The following WWP1 variants were observed in gnomAD, a reference collection of about 807,000 sequenced individuals.
WWP1 encodes the protein NEDD4-like E3 ubiquitin-protein ligase WWP1.
WWP1 carries 49 observed loss-of-function variants against 130.6 expected under a neutral mutation model. That is an observed-to-expected ratio of 0.38 (90% CI 0.30 to 0.48). The LOEUF (loss-of-function observed/expected upper bound fraction) is 0.48. Among genes scored for constraint, WWP1 ranks in the 20% least tolerant of loss-of-function variants. The pLI, the probability that WWP1 is intolerant of heterozygous loss-of-function variation, is 0.99. For missense variants in WWP1, 809 were observed against 1,100.6 expected, an observed-to-expected ratio of 0.74 and a Z score of 3.75; for synonymous variants, 332 against 367.8, an observed-to-expected ratio of 0.90 and a Z score of 1.11.
At chr8:86,395,866 T>C (rs1807632637) in intron 5 of WWP1, among the ~76,000 whole-genome samples, 1 of 152,070 alleles carries the variant, frequency 6.6e-6, no homozygotes, top group African/African-American at 2.4e-5. Context: ...AATGCAGACA[T>C]TTACAGATAA....
chr8:86,362,485 CA>C (rs1823726491), intron 1 of WWP1, among the ~76,000 whole-genome samples: 1 of 151,842 alleles, frequency 6.6e-6, no homozygotes, highest in Non-Finnish European at 1.5e-5. Context: ...GTGGTGAGGG[CA>C]GCAACCAAAT....
intron 22 of WWP1, among the ~76,000 whole-genome samples, chr8:86,458,580 G>A (rs1451218277): frequency 6.6e-6 from 1 of 152,072 alleles, no homozygotes; most frequent in Non-Finnish European, 1.5e-5. Context: ...TGTTTTGTGT[G>A]TTTATTAGAG....
chr8:86,364,785 G>T (rs889428721), intron 1 of WWP1, among the ~76,000 whole-genome samples: 1 of 148,794 alleles, frequency 6.7e-6, no homozygotes, highest in African/African-American at 2.5e-5. Flanking sequence ...TATCCTGGGC[G>T]ACAAAAGTGA....
chr8:86,463,690 T>A (rs1226674793), intron 24 of WWP1, among the ~76,000 whole-genome samples: 1 of 152,130 alleles, frequency 6.6e-6, no homozygotes, highest in Non-Finnish European at 1.5e-5. Context: ...TATAATTTGA[T>A]GAGCCATTAT....
At position 86,342,707 on chromosome 8, in the gene WWP1, CGGGGTG is replaced by C; in HGVS notation, c.-327_-322del. ...GGGTCGGCTGGGGGTGGCGCGTGGA[CGGGGTG>C]GGGGTGGGGGGAGGGTCGGGTGTCG... is the stretch of plus-strand genomic sequence containing the variant. On this transcript the variant is annotated 5_prime_UTR_variant, in exon 1 of 25. Coordinates refer to ENST00000517970, the MANE Select transcript of WWP1 (RefSeq NM_007013.4). 5.2e-6 allele frequency: 1 copy of C among 192,728 alleles called. No individual in the cohort carries two copies. The highest frequency in any genetic ancestry group is 8.2e-6 in the Non-Finnish European group (1 of 122,084). 11.9% of individuals were successfully genotyped at this position (192,728 alleles called of 1,614,324 possible).
chr8:86,362,199 T>TATACATATAC (rs1554554039), intron 1 of WWP1, among the ~76,000 whole-genome samples: 3 of 121,038 alleles, frequency 2.5e-5, no homozygotes, highest in African/African-American at 9.0e-5. Flanking sequence ...TATATATATA[T>TATACATATAC]ATACTGGAAA....
chr8:86,394,096 G>GT (rs1270214657), intron 5 of WWP1, among the ~76,000 whole-genome samples: 1 of 152,250 alleles, frequency 6.6e-6, no homozygotes, highest in African/African-American at 2.4e-5. Context: ...TTTTTAGCCA[G>GT]TAAGTTTCAG....
chr8:86,431,132 ATATT>A (rs939485213), intron 12 of WWP1, among the ~76,000 whole-genome samples: 2 of 129,510 alleles, frequency 1.5e-5, no homozygotes, highest in Non-Finnish European at 3.2e-5. Flanking sequence ...AATAGATTAT[ATATT>A]AAAGAATTAT....
chr8:86,384,529 A>G (rs1399147030), intron 5 of WWP1, among the ~76,000 whole-genome samples: 1 of 152,154 alleles, frequency 6.6e-6, no homozygotes, highest in Non-Finnish European at 1.5e-5. Flanking sequence ...AAGTAATATA[A>G]AATTAATAAG....
chr8:86,418,036 A>G (rs772474004), intron 9 of WWP1, among the ~76,000 whole-genome samples: 2 of 152,226 alleles, frequency 1.3e-5, no homozygotes, highest in Non-Finnish European at 2.9e-5. Context: ...GAGAGCAGCT[A>G]TATAAATTAT....
chr8:86,381,436 G>A, intron 4 of WWP1, 69 bp from the exon 5 acceptor site: 3 of 1,510,834 alleles, frequency 2.0e-6, no homozygotes, highest in African/African-American at 1.4e-5. Context: ...GCTTTAATAG[G>A]AATTGTTACT....
chr8:86,442,215 A>G (rs965842059), intron 17 of WWP1: 1 of 153,314 alleles, frequency 6.5e-6, no homozygotes, highest in African/African-American at 2.4e-5. Flanking sequence ...GGGGCAAGTC[A>G]TGTGCATAAA....
intron 1 of WWP1, among the ~76,000 whole-genome samples, chr8:86,352,104 G>A (rs1822970066): frequency 6.9e-6 from 1 of 145,962 alleles, no homozygotes; most frequent in African/African-American, 2.5e-5. Context: ...GCAGTGGCAA[G>A]ATCATGGCTC....
At chr8:86,419,955 G>A (rs908596464) in intron 9 of WWP1, among the ~76,000 whole-genome samples, 1 of 152,166 alleles carries the variant, frequency 6.6e-6, no homozygotes, top group African/African-American at 2.4e-5. Context: ...AGGAAATTAT[G>A]CCCAACATAT....
intron 22 of WWP1, among the ~76,000 whole-genome samples, 186 bp downstream of exon 22, chr8:86,458,211 G>C (rs1294820207): frequency 1.3e-5 from 2 of 152,140 alleles, no homozygotes; most frequent in Non-Finnish European, 2.9e-5. Flanking sequence ...TTCTTTGACT[G>C]TCTTGCTGAA....
intron 2 of WWP1, among the ~76,000 whole-genome samples, chr8:86,369,943 A>C (rs1335749177): frequency 6.6e-6 from 1 of 152,102 alleles, no homozygotes; most frequent in Non-Finnish European, 1.5e-5. Flanking sequence ...GTACCAGATA[A>C]TATGTAACAT....
At chr8:86,383,639 G>A (rs1159850105) in intron 5 of WWP1, among the ~76,000 whole-genome samples, 1 of 152,158 alleles carries the variant, frequency 6.6e-6, no homozygotes, top group Non-Finnish European at 1.5e-5. Context: ...CTACTCAGGA[G>A]GCTGAGGCAG....
intron 9 of WWP1, chr8:86,417,106 T>G (rs1808932399): frequency 6.6e-6 from 1 of 152,374 alleles, no homozygotes; most frequent in Non-Finnish European, 1.5e-5. Flanking sequence ...CACACAGGGA[T>G]TCAGGAGTCC....
intron 5 of WWP1, among the ~76,000 whole-genome samples, chr8:86,393,874 G>C (rs925040312): frequency 9.9e-5 from 15 of 152,280 alleles, no homozygotes; most frequent in African/African-American, 3.1e-4. Context: ...CAGAAGTGAT[G>C]GTGTACAAAC....
Sources: gnomAD v4.1 joint callset for allele counts (sites outside exome capture counted in the v4.1 genomes callset) on GRCh38, gnomAD v4.1.1 for gene constraint, MANE v1.5 for transcripts, NCBI Gene and HGNC (gene_info 2026-07-23, HGNC 2026-07-21) for gene names.